RORA: variants seen among roughly 807,000 people sequenced by gnomAD.
The protein encoded by RORA is nuclear receptor ROR-alpha.
A neutral mutation model predicts 69.5 loss-of-function variants in RORA; 7 were observed. The ratio of observed to expected loss-of-function variants is 0.10; its 90% CI spans 0.06 to 0.19. The LOEUF is 0.19. Among genes scored for constraint, RORA ranks in the 10% least tolerant of loss-of-function variants. The pLI is 1.00. For synonymous variants in RORA, 261 were observed against 240.8 expected (o/e 1.08, Z -0.78); for missense variants, 457 against 663.0 (o/e 0.69, Z 3.41).
At chr15:60,585,110 A>C (rs1438187408) in intron 2 of RORA, among the ~76,000 whole-genome samples, 1 of 152,152 alleles carries the variant, frequency 6.6e-6, no homozygotes, top group African/African-American at 2.4e-5. Context: ...AGCAATGCAA[A>C]ATTCATATAA....
chr15:60,804,313 A>G (rs2072628735), intron 1 of RORA, among the ~76,000 whole-genome samples: 1 of 146,058 alleles, frequency 6.8e-6, no homozygotes, highest in Admixed American at 6.7e-5. Context: ...AAAAAAAAGA[A>G]CTACTAGTTA....
At chr15:61,175,621 C>T (rs887419904) in intron 1 of RORA, among the ~76,000 whole-genome samples, 2 of 38,500 alleles carry the variant, frequency 5.2e-5, no homozygotes, top group East Asian at 5.3e-4. Context: ...GATGTGGGGG[C>T]GTGGGGGATT....
At chr15:61,145,042 T>G (rs1206431158) in intron 1 of RORA, among the ~76,000 whole-genome samples, 1 of 152,174 alleles carries the variant, frequency 6.6e-6, no homozygotes, top group Non-Finnish European at 1.5e-5. Context: ...CGCCTCTATC[T>G]AAAAGAAGCC....
chr15:60,612,852 G>A (rs189102402), intron 2 of RORA, among the ~76,000 whole-genome samples: 1 of 152,140 alleles, frequency 6.6e-6, no homozygotes, highest in East Asian at 1.9e-4. Context: ...CTTGGGAAGG[G>A]TTTAATGGAC....
Position 60,783,485 on chromosome 15 carries a change from A to AT in RORA, c.167-104800dup, listed in dbSNP as rs201749270. On this transcript the variant is annotated intron_variant, in intron 1 of 10. Transcript: ENST00000335670. ...ACATATGCATTACCTCCCAAACAGT[A>AT]TTTTTTGTGGTGAGAACACTTAAAA... 7.6e-3 allele frequency among the ~76,000 whole-genome samples: 1,159 copies of AT among 152,316 alleles called. 19 individuals carry two copies. Among genetic ancestry groups the AT allele is most frequent in the African/African-American group, 0.026 (1,095 of 41,556 alleles).
rs542879742 is a variant in RORA, at chr15:61,061,302, G to A, written c.166+167751C>T. 4.6e-5 allele frequency among the ~76,000 whole-genome samples: 7 copies of A among 152,154 alleles called. No individual in the cohort carries two copies. In the South Asian group the frequency reaches 8.3e-4, roughly 18 times the overall value. On this transcript the variant is annotated intron_variant, in intron 1 of 10. Transcript: ENST00000335670. This position sits in a 1 kb window ranked among gnomAD's most constrained non-coding sequence, Gnocchi z 4.4. ...CGGGAGGCAGAGCTTGCAGTGAGCCGAGGTTGTGCCACTGCAGGCGTGCAG... is the reference window on the plus strand; with the variant it reads ...CGGGAGGCAGAGCTTGCAGTGAGCCAAGGTTGTGCCACTGCAGGCGTGCAG...
At chr15:60,592,514 A>C in intron 2 of RORA, 1 of 1,295,528 alleles carries the variant, frequency 7.7e-7, no homozygotes, top group South Asian at 2.2e-5. Flanking sequence ...CCACAGCAGC[A>C]GCTGCCGCAG....
chr15:60,617,680 A>C (rs1159607881), intron 2 of RORA, among the ~76,000 whole-genome samples: 2 of 151,154 alleles, frequency 1.3e-5, no homozygotes, highest in African/African-American at 4.9e-5. Context: ...AGAGAGAGAG[A>C]GAGAGAGAGA....
intron 1 of RORA, among the ~76,000 whole-genome samples, chr15:60,977,128 A>C (rs1267250451): frequency 4.0e-5 from 6 of 151,800 alleles, no homozygotes; most frequent in Admixed American, 1.3e-4. Context: ...AAAAAAAAAA[A>C]AAACCTATAG....
chr15:60,918,498 T>A (rs146636528), intron 1 of RORA, among the ~76,000 whole-genome samples: 3 of 152,370 alleles, frequency 2.0e-5, no homozygotes, highest in African/African-American at 7.2e-5. Context: ...TAATTACGAT[T>A]GGAATTGCCA....
chr15:60,711,750 G>C (rs2071147071), intron 1 of RORA, among the ~76,000 whole-genome samples: 1 of 152,124 alleles, frequency 6.6e-6, no homozygotes, highest in Non-Finnish European at 1.5e-5. Context: ...ATTTCTTTTG[G>C]GGAAGATGAT....
chr15:60,596,569 A>G (rs2068670486), intron 2 of RORA, among the ~76,000 whole-genome samples: 2 of 151,978 alleles, frequency 1.3e-5, no homozygotes, highest in South Asian at 2.1e-4. Context: ...TCACAAACTA[A>G]CCTAGAAGAG....
At chr15:60,951,692 G>C (rs1292019764) in intron 1 of RORA, among the ~76,000 whole-genome samples, 4 of 152,160 alleles carry the variant, frequency 2.6e-5, no homozygotes, top group Admixed American at 1.3e-4. Flanking sequence ...AAATCTAGAA[G>C]AAATGGATAA....
intron 1 of RORA, among the ~76,000 whole-genome samples, chr15:61,162,463 G>A (rs1286182963): frequency 6.6e-6 from 1 of 152,200 alleles, no homozygotes; most frequent in Admixed American, 6.5e-5. Context: ...AGGAGATGCT[G>A]CCAGTAGGGG....
At chr15:60,913,211 C>G (rs558037035) in intron 1 of RORA, among the ~76,000 whole-genome samples, 2 of 152,260 alleles carry the variant, frequency 1.3e-5, no homozygotes, top group Non-Finnish European at 2.9e-5. Flanking sequence ...CAGAGCTCAC[C>G]ACCTCGTGCT....
At chr15:60,914,416 C>G (rs1566907639) in intron 1 of RORA, among the ~76,000 whole-genome samples, 1 of 152,156 alleles carries the variant, frequency 6.6e-6, no homozygotes, top group African/African-American at 2.4e-5. Context: ...TTACATACAA[C>G]CCCAGTCAGA....
At chr15:60,592,653 C>T in intron 2 of RORA, 2 of 1,114,316 alleles carry the variant, frequency 1.8e-6, no homozygotes, top group Non-Finnish European at 1.1e-6. Context: ...AGGCGGGAGG[C>T]GGGAGGCAGG....
intron 2 of RORA, chr15:60,592,319 T>C: frequency 8.5e-7 from 1 of 1,177,012 alleles, no homozygotes; most frequent in East Asian, 3.5e-5. Flanking sequence ...CCCCTCCCCC[T>C]GCGCGCCCTC....
intron 1 of RORA, chr15:60,765,456 A>T (rs1016135450): frequency 4.6e-5 from 7 of 152,118 alleles, no homozygotes; most frequent in African/African-American, 1.7e-4. Context: ...CAGCTTTTGA[A>T]TGAAATTAAA....
Sources: allele counts gnomAD v4.1 joint callset (sites outside exome capture counted in the v4.1 genomes callset), GRCh38; gene constraint gnomAD v4.1.1; non-coding constraint Gnocchi (gnomAD v3.1); transcripts MANE v1.5; gene names NCBI Gene and HGNC (gene_info 2026-07-23, HGNC 2026-07-21).